DLG1: variants seen among roughly 807,000 people sequenced by gnomAD.
The protein encoded by DLG1 is discs large MAGUK scaffold protein 1.
A neutral mutation model predicts 123.4 loss-of-function variants in DLG1; 42 were observed. That is an observed-to-expected ratio of 0.34 (90% confidence interval 0.27 to 0.44). The LOEUF (loss-of-function observed/expected upper bound fraction) is 0.44, where lower values mean the gene tolerates loss of function less well. DLG1 is among the 20% of genes least tolerant of loss of function. The pLI is 1.00. For synonymous variants in DLG1, 317 were observed against 356.2 expected (o/e 0.89, Z 1.24); for missense variants, 942 against 1,082.6 (o/e 0.87, Z 1.82).
chr3:197,217,144 T>C (rs910112482), intron 4 of DLG1, among the ~76,000 whole-genome samples: 1 of 152,208 alleles, frequency 6.6e-6, no homozygotes, highest in Non-Finnish European at 1.5e-5. Context: ...ACCATCCCAG[T>C]ATCCTAAGAG....
chr3:197,069,500 T>TA, intron 18 of DLG1: 1 of 312,998 alleles, frequency 3.2e-6, no homozygotes, highest in Admixed American at 4.9e-5. Flanking sequence ...AAATCTATTA[T>TA]AAATAGCAAG....
Position 197,076,682 on chromosome 3 carries a change from A to C in DLG1, c.1909T>G (p.Ser637Ala). The C allele has an allele frequency of 6.2e-7, 1 of 1,611,362 alleles. No homozygotes were observed. Among genetic ancestry groups the C allele is most frequent in the Non-Finnish European group, 8.5e-7 (1 of 1,177,990 alleles). The change falls in exon 18 of 25, where the codon TCA becomes GCA. Residue 637 changes from serine (S) to alanine (A), a missense_variant. Ser to Ala is a moderately conservative substitution (Grantham distance 99). Coordinates refer to ENST00000667157, the MANE Select transcript of DLG1 (RefSeq NM_001366207.1). ...TTCTTTTTACGCTTGTCATTGAATG[A>C]CTGCTGAAGAAGAGAAGGAGGGGCA... The part of the protein sequence containing the change: ...FNSKTRDKGQ[S>A]FNDKRKKNLF...
intron 4 of DLG1, among the ~76,000 whole-genome samples, chr3:197,278,738 TA>T (rs553884626): frequency 2.6e-3 from 376 of 142,816 alleles, no homozygotes; most frequent in Middle Eastern, 3.6e-3. Context: ...TCAGTGAACT[TA>T]AAAAAAAAAA....
chr3:197,184,905 C>T (rs1203334211), intron 5 of DLG1, among the ~76,000 whole-genome samples: 2 of 152,100 alleles, frequency 1.3e-5, no homozygotes, highest in Non-Finnish European at 2.9e-5. Flanking sequence ...TTGCCTGGGG[C>T]GCTAGTTATA....
intron 15 of DLG1, among the ~76,000 whole-genome samples, chr3:197,086,581 T>C (rs1350218871): frequency 6.6e-6 from 1 of 152,130 alleles, no homozygotes; most frequent in Admixed American, 6.5e-5. Flanking sequence ...TACCCAACAT[T>C]TAAGAACCTA....
At chr3:197,177,377 T>C (rs952759276) in intron 5 of DLG1, among the ~76,000 whole-genome samples, 1 of 152,186 alleles carries the variant, frequency 6.6e-6, no homozygotes, top group Non-Finnish European at 1.5e-5. Flanking sequence ...TTTAAGAAGA[T>C]TGTCTACCTA....
At chr3:197,127,916 A>T (rs529051827) in intron 11 of DLG1, among the ~76,000 whole-genome samples, 1,624 of 13,238 alleles carry the variant, frequency 0.12, 30 homozygotes, top group African/African-American at 0.26. Context: ...CTTTATTGCT[A>T]AAAAAAAACC....
In DLG1 at chr3:197,210,192, A is replaced by G. The variant is rs1301801094; in HGVS notation, c.319-15603T>C. The stretch of plus-strand genomic sequence containing the variant: ...GAAATCTGTAGCTTTAACTGCTTAC[A>G]TTAAAAATGAAAGTTTAAAATCACT... On this transcript the variant is annotated intron_variant, in intron 4 of 24. Coordinates refer to ENST00000667157, the MANE Select transcript of DLG1 (RefSeq NM_001366207.1). Among the ~76,000 whole-genome samples, 8 of 145,360 alleles carry G rather than the reference A, an allele frequency of 5.5e-5. 1 individual carries two copies. Among genetic ancestry groups the G allele is most frequent in the African/African-American group, 1.9e-4 (8 of 41,146 alleles).
intron 4 of DLG1, among the ~76,000 whole-genome samples, chr3:197,251,468 C>T (rs531434195): frequency 2.7e-4 from 41 of 152,154 alleles, no homozygotes; most frequent in Admixed American, 5.2e-4. Context: ...AAAAAAGAAT[C>T]CAGGTATAAA....
rs181568730 is a variant in DLG1, at chr3:197,125,795, A to T, written c.1165+4732T>A. Among the ~76,000 whole-genome samples, 9 of 152,310 alleles carry T rather than the reference A, an allele frequency of 5.9e-5. No individual in the cohort carries two copies. The East Asian group carries it at 1.5e-3, about 26-fold the overall frequency. On this transcript the variant is annotated intron_variant, in intron 11 of 24. Coordinates refer to ENST00000667157, the MANE Select transcript of DLG1 (RefSeq NM_001366207.1). ...TTTGGACATGACCAGGAATGACAGC[A>T]TGAGTAACAGTGGCAAAACGACAAT...
chr3:197,093,724 G>A (rs1015809893), intron 14 of DLG1, among the ~76,000 whole-genome samples: 1 of 152,052 alleles, frequency 6.6e-6, no homozygotes, highest in African/African-American at 2.4e-5. Context: ...AACTGAAATT[G>A]TTCTCAGTTC....
At chr3:197,240,921 C>A (rs541934513) in intron 4 of DLG1, among the ~76,000 whole-genome samples, 20 of 61,708 alleles carry the variant, frequency 3.2e-4, no homozygotes, top group African/African-American at 1.2e-3. Flanking sequence ...AAAATTACCT[C>A]AAAAAAAAAA....
At chr3:197,230,542 G>A (rs1235158378) in intron 4 of DLG1, among the ~76,000 whole-genome samples, 3 of 152,128 alleles carry the variant, frequency 2.0e-5, no homozygotes, top group Non-Finnish European at 2.9e-5. Context: ...ACAAGGGTAA[G>A]CTAACAAATT....
At chr3:197,076,367 A>T (rs1163223353) in intron 18 of DLG1, among the ~76,000 whole-genome samples, 1 of 152,070 alleles carries the variant, frequency 6.6e-6, no homozygotes, top group Non-Finnish European at 1.5e-5. Context: ...TTATAAACAT[A>T]TAACTGAAAA....
At chr3:197,075,392 T>C (rs908497172) in intron 18 of DLG1, among the ~76,000 whole-genome samples, 11 of 150,776 alleles carry the variant, frequency 7.3e-5, no homozygotes, top group Admixed American at 6.6e-4. Flanking sequence ...TAGTATTCTA[T>C]TGTGCTTTAT....
intron 4 of DLG1, among the ~76,000 whole-genome samples, chr3:197,244,422 T>C (rs1750567837): frequency 6.6e-6 from 1 of 152,196 alleles, no homozygotes; most frequent in Non-Finnish European, 1.5e-5. Flanking sequence ...AGACAGAATA[T>C]TTAATCCATT....
chr3:197,121,621 C>CT (rs1257807531), intron 11 of DLG1, among the ~76,000 whole-genome samples: 1 of 151,692 alleles, frequency 6.6e-6, no homozygotes, highest in African/African-American at 2.4e-5. Context: ...TTTTGACTAC[C>CT]TTATTTTGGT....
chr3:197,279,532 ACT>A (rs1002819507), intron 4 of DLG1, among the ~76,000 whole-genome samples: 1 of 152,080 alleles, frequency 6.6e-6, no homozygotes, highest in Admixed American at 6.6e-5. Flanking sequence ...GCTAAACAAC[ACT>A]CTGTGACCAT....
intron 14 of DLG1, among the ~76,000 whole-genome samples, chr3:197,093,457 CTTCT>C (rs775283023): frequency 2.6e-5 from 4 of 152,094 alleles, no homozygotes; most frequent in Non-Finnish European, 5.9e-5. Flanking sequence ...CAACATTTCT[CTTCT>C]TTCTTAAACA....
Sources: allele counts gnomAD v4.1 joint callset (sites outside exome capture counted in the v4.1 genomes callset), GRCh38; gene constraint gnomAD v4.1.1; transcripts MANE v1.5; gene names NCBI Gene and HGNC (gene_info 2026-07-23, HGNC 2026-07-21).